GLI2: variants seen among roughly 807,000 people sequenced by gnomAD.
The protein encoded by GLI2 is GLI family zinc finger 2.
GLI2 carries 22 observed loss-of-function variants against 78.9 expected under a neutral mutation model. That is an observed-to-expected ratio of 0.28 (90% CI 0.20 to 0.40). The LOEUF (loss-of-function observed/expected upper bound fraction) is 0.40. GLI2 is among the 10% of genes least tolerant of loss of function. GLI2 has a pLI of 1.00. For missense variants in GLI2, 2,097 were observed against 2,213.2 expected (o/e 0.95, Z 1.05); for synonymous variants, 974 against 963.7 (o/e 1.01, Z -0.20).
At chr2:120,874,413 G>T (rs1688623640) in intron 2 of GLI2, among the ~76,000 whole-genome samples, 1 of 152,252 alleles carries the variant, frequency 6.6e-6, no homozygotes, top group South Asian at 2.1e-4. Context: ...AACACTGAAA[G>T]TTGTCACAAA....
chr2:120,958,498 C>T (rs566972890), intron 5 of GLI2, among the ~76,000 whole-genome samples: 7 of 152,132 alleles, frequency 4.6e-5, no homozygotes, highest in African/African-American at 1.4e-4. Flanking sequence ...AGTGACATAT[C>T]GCCCTCGTAG....
At chr2:120,967,010 G>C (rs991991973) in intron 5 of GLI2, among the ~76,000 whole-genome samples, 1 of 152,240 alleles carries the variant, frequency 6.6e-6, no homozygotes, top group Non-Finnish European at 1.5e-5. Flanking sequence ...CTGCCTGGAG[G>C]AGGGGGCACC....
intron 1 of GLI2, among the ~76,000 whole-genome samples, chr2:120,752,548 C>T (rs1682909593): frequency 6.6e-6 from 1 of 152,088 alleles, no homozygotes; most frequent in Admixed American, 6.6e-5. Context: ...GGATTACAGG[C>T]GTGAGCCACC....
Position 120,737,510 on chromosome 2 carries a change from T to G in GLI2, c.-31+1225T>G, listed in dbSNP as rs1682405523. Among the ~76,000 whole-genome samples the G allele has an allele frequency of 6.6e-6, 1 of 152,164 alleles. No individual in the cohort carries two copies. The highest frequency in any genetic ancestry group is 2.4e-5 in the African/African-American group (1 of 41,450). ...GCTGGAAAAGTAGACCTGTCCCTAC[T>G]GTCTGGTCCCGCGCCCTGGGAGTCT... is the stretch of plus-strand genomic sequence containing the variant. On this transcript the variant is annotated intron_variant, in intron 1 of 13. Coordinates refer to ENST00000361492, the MANE Select transcript of GLI2 (RefSeq NM_001374353.1). The surrounding 1 kb of genome is among the most constrained non-coding windows in gnomAD (Gnocchi z 4.3).
At chr2:120,770,399 A>G (rs559820489) in intron 1 of GLI2, among the ~76,000 whole-genome samples, 1 of 152,254 alleles carries the variant, frequency 6.6e-6, no homozygotes, top group South Asian at 2.1e-4. Context: ...CTGTCTTCCC[A>G]GTTGGACCAG....
intron 1 of GLI2, among the ~76,000 whole-genome samples, chr2:120,796,268 C>G (rs1684388283): frequency 6.6e-6 from 1 of 152,132 alleles, no homozygotes; most frequent in Non-Finnish European, 1.5e-5. Flanking sequence ...TTGGCTCTGC[C>G]TTCAAACCAT....
At chr2:120,902,185 A>AC (rs11358856) in intron 2 of GLI2, among the ~76,000 whole-genome samples, 3,005 of 113,822 alleles carry the variant, frequency 0.026, 26 homozygotes, top group African/African-American at 0.055. Flanking sequence ...ATTGACACCC[A>AC]CCCCCCCCCA....
intron 2 of GLI2, among the ~76,000 whole-genome samples, chr2:120,911,030 G>A (rs1191358996): frequency 1.3e-5 from 2 of 152,198 alleles, no homozygotes; most frequent in East Asian, 1.9e-4. Context: ...TTACACCAAT[G>A]CCTGGCCCAG....
In GLI2 at chr2:120,970,546, C is replaced by T. The variant is rs748300953; in HGVS notation, c.999C>T (p.Ser333=). 15 of 1,614,096 alleles carry T rather than the reference C, an allele frequency of 9.3e-6. 1 individual carries two copies. The South Asian group carries it at 1.4e-4, about 15-fold the overall frequency. Reference sequence around the variant, plus strand: ...CCCAGCAGCCCATGGCCCTCACCTCCATCAATGCCACGCCCACCCAGCTCA... The same window carrying T: ...CCCAGCAGCCCATGGCCCTCACCTCTATCAATGCCACGCCCACCCAGCTCA... ...FLAQQPMALT[S]INATPTQLSS... Residue 333 remains serine (S), a synonymous_variant, in exon 7 of 14, where the codon TCC becomes TCT. Coordinates refer to ENST00000361492, the MANE Select transcript of GLI2 (RefSeq NM_001374353.1).
rs540240518 is a variant in GLI2 at position 120,951,259 on chromosome 2, G to A, written c.271G>A (p.Gly91Ser). Residue 91 changes from glycine to serine, a missense_variant, in exon 4 of 14, where the codon GGC becomes AGC. By Grantham distance (56) the Gly-to-Ser change is moderately conservative. Around this residue, in one of 5 missense-constraint regions of GLI2, gnomAD observed 578 missense variants for 612.0 expected, o/e 0.94. Coordinates refer to ENST00000361492, the MANE Select transcript of GLI2 (RefSeq NM_001374353.1). ...TCTCTGCAGGCCCCCTGCCCTCAGC[G>A]GCAGCCCTGTCATCTCTGACATCTC... The part of the protein sequence containing the change: ...HGVHGPPALS[G>S]SPVISDISLI... 1.5e-5 allele frequency: 24 copies of A among 1,609,842 alleles called. No homozygotes were observed. Among genetic ancestry groups the A allele is most frequent in the Admixed American group, 6.7e-5 (4 of 60,024 alleles).
rs760708035 is a variant in GLI2, at chr2:120,990,418, T to C, written c.4453T>C (p.Ser1485Pro). 6.2e-6 allele frequency: 10 copies of C among 1,613,994 alleles called. No homozygotes were observed. The highest frequency in any genetic ancestry group is 6.8e-6 in the Non-Finnish European group (8 of 1,179,982). The change falls in exon 14 of 14, where the codon TCC becomes CCC. Residue 1485 changes from serine (S) to proline (P), a missense_variant. Physicochemically the swap from Ser to Pro is moderately conservative, Grantham distance 74 (BLOSUM62 -1). Coordinates refer to ENST00000361492, the MANE Select transcript of GLI2 (RefSeq NM_001374353.1). ...GVNQVSSTVD[S>P]QLLEAPQIDF... is the part of the protein sequence containing the mutation. ...CAACCAGGTGTCCAGCACTGTGGAC[T>C]CCCAGCTCCTGGAGGCCCCCCAGAT...
rs112131051 is a variant in GLI2 at position 120,797,314 on chromosome 2, G to A, written c.-7G>A. The A allele has an allele frequency of 1.5e-3, 2,464 of 1,613,870 alleles. 26 individuals carry two copies. The African/African-American group carries it at 0.027, about 18-fold the overall frequency. Reference sequence around the variant, plus strand: ...AGGATTGCCACCCAGGACGATGAGCGGCTGAGATGGAGACGTCTGCCTCAG... The same window carrying A: ...AGGATTGCCACCCAGGACGATGAGCAGCTGAGATGGAGACGTCTGCCTCAG... On this transcript the variant is annotated 5_prime_UTR_variant, in exon 2 of 14. Coordinates refer to ENST00000361492, the MANE Select transcript of GLI2 (RefSeq NM_001374353.1).
chr2:120,951,250 G>A lies in GLI2; in HGVS notation c.262G>A (p.Ala88Thr). The change falls in exon 4 of 14, where the codon GCC (alanine) becomes ACC (threonine). Residue 88 changes from alanine to threonine, a missense_variant. By Grantham distance (58) the Ala-to-Thr change is moderately conservative. Coordinates refer to ENST00000361492, the MANE Select transcript of GLI2 (RefSeq NM_001374353.1). ...TGCCCATTGTCTCTGCAGGCCCCCT[G>A]CCCTCAGCGGCAGCCCTGTCATCTC... is the stretch of plus-strand genomic sequence containing the variant. ...HSVHGVHGPP[A>T]LSGSPVISDI... 2 of 1,604,310 alleles carry A rather than the reference G, an allele frequency of 1.2e-6. No individual in the cohort carries two copies. Among genetic ancestry groups the A allele is most frequent in the Non-Finnish European group, 1.7e-6 (2 of 1,171,290 alleles).
In GLI2 at chr2:120,946,325, G is replaced by A. The variant is rs558620988; in HGVS notation, c.255-4918G>A. Among the ~76,000 whole-genome samples, 7 of 152,314 alleles carry A rather than the reference G, an allele frequency of 4.6e-5. No homozygotes were observed. The East Asian group carries it at 1.4e-3, about 29-fold the overall frequency. On this transcript the variant is annotated intron_variant, in intron 3 of 13. Transcript: ENST00000361492. ...CAGACGAGCTCTGAGCTGGACTGAG[G>A]GGAGAAGGCAATGCATAGGGGCAGT...
Position 120,990,597 on chromosome 2 carries a change from C to CAA in GLI2, c.4633_4634dup (p.Asn1545LysfsTer8). The CAA allele has an allele frequency of 6.2e-7, 1 of 1,613,894 alleles. No individual in the cohort carries two copies. The highest frequency in any genetic ancestry group is 8.5e-7 in the Non-Finnish European group (1 of 1,179,854). On this transcript the variant is annotated frameshift_variant, in exon 14 of 14. Coordinates refer to ENST00000361492, the MANE Select transcript of GLI2 (RefSeq NM_001374353.1). LOFTEE classifies it high-confidence loss of function. The stretch of plus-strand genomic sequence containing the variant: ...TGCCCTCCATCCCCGCAGGCATCAG[C>CAA]AACATGGCTGTCGGGGACATGAGCT...
At chr2:120,840,846 C>T (rs771221862) in intron 2 of GLI2, among the ~76,000 whole-genome samples, 10 of 152,140 alleles carry the variant, frequency 6.6e-5, no homozygotes, top group South Asian at 2.1e-4. Flanking sequence ...AGACTCCAGG[C>T]CTCCTGTCCT....
chr2:120,833,341 T>A (rs1478384183), intron 2 of GLI2, among the ~76,000 whole-genome samples: 1 of 152,004 alleles, frequency 6.6e-6, no homozygotes, highest in East Asian at 1.9e-4. Flanking sequence ...CAGAGGGCAG[T>A]CTGCTCCCTC....
intron 2 of GLI2, among the ~76,000 whole-genome samples, chr2:120,879,875 A>T (rs1031543882): frequency 6.6e-6 from 1 of 152,084 alleles, no homozygotes; most frequent in Non-Finnish European, 1.5e-5. Flanking sequence ...CCAGCCAGTC[A>T]TTTTCTCCAG....
Position 120,906,875 on chromosome 2 carries a change from G to T in GLI2, c.149-20486G>T, listed in dbSNP as rs59614923. Among the ~76,000 whole-genome samples, 1,037 of 152,208 alleles carry T rather than the reference G, an allele frequency of 6.8e-3. 11 individuals are homozygous for T. Among genetic ancestry groups the T allele is most frequent in the African/African-American group, 0.024 (987 of 41,508 alleles). ...TGGCCCTGCATCCTGCATTGAGCATGAGTGCACCCCTCCCTCCTTGCCGCC... is the reference window on the plus strand; with the variant it reads ...TGGCCCTGCATCCTGCATTGAGCATTAGTGCACCCCTCCCTCCTTGCCGCC... On this transcript the variant is annotated intron_variant, in intron 2 of 13. Coordinates refer to ENST00000361492, the MANE Select transcript of GLI2 (RefSeq NM_001374353.1).
Sources: allele counts gnomAD v4.1 joint callset (sites outside exome capture counted in the v4.1 genomes callset), GRCh38; gene constraint gnomAD v4.1.1; regional missense constraint gnomAD v4.1.1; non-coding constraint Gnocchi (gnomAD v3.1); transcripts MANE v1.5; gene names NCBI Gene and HGNC (gene_info 2026-07-23, HGNC 2026-07-21).